The following FER1L6 variants were observed in gnomAD, a reference collection of about 807,000 sequenced individuals.
The protein encoded by FER1L6 is fer-1-like protein 6.
In FER1L6, 177 loss-of-function variants were observed where a neutral mutation model predicts 219.2. The ratio of observed to expected loss-of-function variants is 0.81; its 90% confidence interval spans 0.71 to 0.91. FER1L6 has a LOEUF of 0.91. Among genes scored for constraint, FER1L6 ranks in the 40% least tolerant of loss-of-function variants. The probability of loss-of-function intolerance (pLI) is 0.00; values close to 1 mark genes in which losing one functional copy is unlikely to be tolerated. For synonymous variants in FER1L6, 768 were observed against 824.3 expected (o/e 0.93, Z 1.17); for missense variants, 2,153 against 2,259.9 (o/e 0.95, Z 0.96).
intron 18 of FER1L6, among the ~76,000 whole-genome samples, chr8:124,032,286 G>T (rs1819004170): frequency 1.3e-5 from 2 of 152,144 alleles, no homozygotes; most frequent in South Asian, 2.1e-4. Context: ...TTAGCCGGGT[G>T]TGGTGGCATA....
chr8:124,011,505 AC>A (rs1421445797), intron 14 of FER1L6, among the ~76,000 whole-genome samples: 1 of 150,950 alleles, frequency 6.6e-6, no homozygotes, highest in Non-Finnish European at 1.5e-5. Flanking sequence ...ATGTACTACC[AC>A]CCCTGGCTAA....
At chr8:124,088,613 C>A (rs959490080) in intron 33 of FER1L6, among the ~76,000 whole-genome samples, 20 of 151,940 alleles carry the variant, frequency 1.3e-4, no homozygotes, top group African/African-American at 4.6e-4. Flanking sequence ...CTGGGTCACA[C>A]CTGAAGCCAG....
chr8:124,069,314 C>T, intron 28 of FER1L6, 46 bp from the exon 29 acceptor site: 1 of 1,383,080 alleles, frequency 7.2e-7, no homozygotes, highest in Non-Finnish European at 1.0e-6. Flanking sequence ...TGTTCCTTCT[C>T]ATCTCAACCG....
At chr8:124,091,967 TAAA>T (rs10591429) in intron 34 of FER1L6, among the ~76,000 whole-genome samples, 107,831 of 133,288 alleles carry the variant, frequency 0.81, 43,395 homozygotes, top group Non-Finnish European at 0.84. Context: ...ACTCAAGTCT[TAAA>T]AAAAAAAAAA....
chr8:123,939,152 A>G, intron 1 of FER1L6: 1 of 985,296 alleles, frequency 1.0e-6, no homozygotes, highest in Non-Finnish European at 1.2e-6. Flanking sequence ...GCATTTCTCA[A>G]ATTGTGACCT....
chr8:123,975,792 T>G, intron 8 of FER1L6, 106 bp from the exon 9 acceptor site: 1 of 868,952 alleles, frequency 1.2e-6, no homozygotes. Context: ...CTTTTCAGAT[T>G]TGTCTTATAT....
chr8:123,975,036 C>T (rs997866708), intron 7 of FER1L6, 114 bp from the exon 8 acceptor site: 179 of 912,502 alleles, frequency 2.0e-4, no homozygotes, highest in Non-Finnish European at 2.5e-4. Context: ...GATGATTTAC[C>T]ACCTAGAGCA....
chr8:124,064,175 C>T (rs897078656), intron 25 of FER1L6, among the ~76,000 whole-genome samples, 172 bp from the exon 26 acceptor site: 2 of 152,198 alleles, frequency 1.3e-5, no homozygotes, highest in South Asian at 2.1e-4. Context: ...TTTCATCCTC[C>T]TAGTGAGATG....
intron 12 of FER1L6, among the ~76,000 whole-genome samples, chr8:123,995,689 T>C (rs550922925): frequency 6.6e-6 from 1 of 152,272 alleles, no homozygotes; most frequent in South Asian, 2.1e-4. Flanking sequence ...TGCTCTGTAT[T>C]TCTTTCCTTA....
intron 1 of FER1L6, among the ~76,000 whole-genome samples, chr8:123,892,293 AT>A (rs1008824407): frequency 4.0e-5 from 6 of 150,038 alleles, no homozygotes; most frequent in African/African-American, 1.5e-4. Flanking sequence ...GGAAAGACAG[AT>A]TTTTTTTTTC....
chr8:124,108,668 A>C (rs1428838141), intron 39 of FER1L6, among the ~76,000 whole-genome samples: 1 of 152,190 alleles, frequency 6.6e-6, no homozygotes, highest in East Asian at 1.9e-4. Context: ...CTTGAGCCCC[A>C]GAATTTGAGA....
intron 1 of FER1L6, among the ~76,000 whole-genome samples, chr8:123,892,674 T>C (rs1812670927): frequency 6.6e-6 from 1 of 152,322 alleles, no homozygotes; most frequent in Admixed American, 6.5e-5. Context: ...TGGTAAATGT[T>C]TTTGTATTGT....
chr8:124,024,185 C>T (rs927077910), intron 18 of FER1L6, among the ~76,000 whole-genome samples: 5 of 149,580 alleles, frequency 3.3e-5, no homozygotes, highest in African/African-American at 2.5e-5. Context: ...CGTGAGCCAC[C>T]GTACTTGGCC....
intron 13 of FER1L6, among the ~76,000 whole-genome samples, chr8:124,003,699 T>A (rs182171256): frequency 2.2e-3 from 332 of 152,116 alleles, no homozygotes; most frequent in Non-Finnish European, 3.8e-3. Context: ...AATCTCCTGA[T>A]CTCATGATCC....
At chr8:123,897,955 T>C (rs930568617) in intron 1 of FER1L6, among the ~76,000 whole-genome samples, 2 of 152,118 alleles carry the variant, frequency 1.3e-5, no homozygotes, top group African/African-American at 4.8e-5. Context: ...CATAAAAGAA[T>C]GGGCTGATTC....
intron 17 of FER1L6, among the ~76,000 whole-genome samples, chr8:124,023,210 C>T (rs1264957442): frequency 6.6e-6 from 1 of 152,192 alleles, no homozygotes; most frequent in Admixed American, 6.5e-5. Flanking sequence ...CCACTGCCGC[C>T]CAGCTGTATG....
intron 5 of FER1L6, among the ~76,000 whole-genome samples, chr8:123,968,402 G>T (rs1304825660): frequency 6.6e-6 from 1 of 152,124 alleles, no homozygotes; most frequent in Non-Finnish European, 1.5e-5. Flanking sequence ...AGATGCTGAA[G>T]GAACCCATTA....
At chr8:123,935,270 G>C (rs945339620) in intron 1 of FER1L6, among the ~76,000 whole-genome samples, 4 of 151,682 alleles carry the variant, frequency 2.6e-5, no homozygotes, top group Non-Finnish European at 5.9e-5. Context: ...TATTTATTTT[G>C]ATAATCAAAT....
At chr8:123,978,958 C>T (rs1437590646) in intron 10 of FER1L6, among the ~76,000 whole-genome samples, 1 of 152,138 alleles carries the variant, frequency 6.6e-6, no homozygotes, top group East Asian at 1.9e-4. Context: ...CTTTTAGGAA[C>T]ATCTTGATGG....
Sources: gnomAD v4.1 joint callset for allele counts (sites outside exome capture counted in the v4.1 genomes callset) on GRCh38, gnomAD v4.1.1 for gene constraint, MANE v1.5 for transcripts, NCBI Gene and HGNC (gene_info 2026-07-23, HGNC 2026-07-21) for gene names.